The following NTNG1 variants were observed in gnomAD, a reference collection of about 807,000 sequenced individuals.
NTNG1 encodes netrin-G1.
In NTNG1, 16 loss-of-function variants were observed where a neutral mutation model predicts 54.0. That is an observed-to-expected ratio of 0.30 (90% CI 0.20 to 0.45). The LOEUF is 0.45. Ranked by LOEUF, NTNG1 falls within the 20% of genes least tolerant of loss-of-function variation. The pLI is 1.00. For synonymous variants in NTNG1, 255 were observed against 263.1 expected, an observed-to-expected ratio of 0.97 and a Z score of 0.30; for missense variants, 530 against 678.7, an observed-to-expected ratio of 0.78 and a Z score of 2.43.
intron 7 of NTNG1, among the ~76,000 whole-genome samples, chr1:107,456,828 C>CCAT (rs1383289367): frequency 2.0e-5 from 3 of 152,190 alleles, no homozygotes; most frequent in Admixed American, 6.5e-5. Flanking sequence ...CTTAGAAGGA[C>CCAT]CATTATTACC....
At chr1:107,310,609 G>A (rs1666950993) in intron 2 of NTNG1, among the ~76,000 whole-genome samples, 1 of 151,996 alleles carries the variant, frequency 6.6e-6, no homozygotes, top group Non-Finnish European at 1.5e-5. Context: ...ATGAAACATT[G>A]GCATGTTATA....
chr1:107,381,486 C>T (rs143624917), intron 3 of NTNG1, among the ~76,000 whole-genome samples: 1 of 151,884 alleles, frequency 6.6e-6, no homozygotes, highest in East Asian at 1.9e-4. Flanking sequence ...TATCATTTCT[C>T]CATTTTCCAA....
At chr1:107,261,588 A>G (rs1663330751) in intron 2 of NTNG1, among the ~76,000 whole-genome samples, 1 of 152,244 alleles carries the variant, frequency 6.6e-6, no homozygotes, top group South Asian at 2.1e-4. Context: ...TCACGCCTGT[A>G]ATCCCAGCAC....
At chr1:107,324,157 TA>T (rs1667810977) in intron 2 of NTNG1, 124 bp from the exon 3 acceptor site, 5 of 822,526 alleles carry the variant, frequency 6.1e-6, no homozygotes, top group Non-Finnish European at 7.9e-6. Context: ...TTAGGGCAAA[TA>T]AAAATGATTA....
chr1:107,181,112 G>T (rs1251236722), intron 2 of NTNG1, among the ~76,000 whole-genome samples: 2 of 152,126 alleles, frequency 1.3e-5, no homozygotes, highest in Non-Finnish European at 2.9e-5. Context: ...ACTTGCACAA[G>T]ATTAGCTGAG....
intron 7 of NTNG1, among the ~76,000 whole-genome samples, chr1:107,459,738 T>A (rs4914945): frequency 0.26 from 39,699 of 152,088 alleles, 5,828 homozygotes; most frequent in East Asian, 0.31. Flanking sequence ...ACCTTCAGAA[T>A]AGAGCACTTT....
chr1:107,179,487 A>T (rs75621268), intron 2 of NTNG1, among the ~76,000 whole-genome samples: 2,590 of 152,014 alleles, frequency 0.017, 76 homozygotes, highest in African/African-American at 0.057. Context: ...TATTTTTTTT[A>T]AAATTGACAA....
upstream of NTNG1, chr1:107,140,205 A>C (rs1166842611): frequency 6.5e-6 from 1 of 152,790 alleles, no homozygotes; most frequent in African/African-American, 2.4e-5. Context: ...TCGAGGTAGT[A>C]TAAGGTTTGC....
intron 2 of NTNG1, among the ~76,000 whole-genome samples, chr1:107,225,006 G>A (rs969668977): frequency 3.3e-5 from 5 of 152,098 alleles, no homozygotes; most frequent in Admixed American, 2.0e-4. Flanking sequence ...TAATTGTATA[G>A]TACCTAGCAT....
chr1:107,146,342 A>C (rs1230281400), intron 1 of NTNG1, among the ~76,000 whole-genome samples: 1 of 152,070 alleles, frequency 6.6e-6, no homozygotes, highest in African/African-American at 2.4e-5. Flanking sequence ...TCCTCTTATA[A>C]AAACTAGTAA....
At chr1:107,265,040 A>G (rs763496817) in intron 2 of NTNG1, among the ~76,000 whole-genome samples, 15 of 152,164 alleles carry the variant, frequency 9.9e-5, no homozygotes, top group Non-Finnish European at 1.6e-4. Context: ...ACTAACAAGT[A>G]TTTATTGAAT....
At chr1:107,318,998 G>C (rs189356186) in intron 2 of NTNG1, among the ~76,000 whole-genome samples, 1 of 152,226 alleles carries the variant, frequency 6.6e-6, no homozygotes, top group East Asian at 1.9e-4. Flanking sequence ...TATGTTTGTG[G>C]TGCTGATCTT....
intron 7 of NTNG1, among the ~76,000 whole-genome samples, chr1:107,447,160 G>T (rs1676355485): frequency 6.6e-6 from 1 of 152,002 alleles, no homozygotes; most frequent in Non-Finnish European, 1.5e-5. Flanking sequence ...ATGAAATATT[G>T]ATTTTATTTT....
Position 107,436,812 on chromosome 1 carries a change from G to A in NTNG1, c.1390+13G>A, listed in dbSNP as rs772090395. On this transcript the variant is annotated intron_variant, in intron 7 of 7. Transcript: ENST00000370068. ...TACGGCTGTCAACGTAAGTAACTCTGGGAGCTGCCCTCTGCCTGCTGCAGC... is the reference window on the plus strand; with the variant it reads ...TACGGCTGTCAACGTAAGTAACTCTAGGAGCTGCCCTCTGCCTGCTGCAGC... 3.1e-6 allele frequency: 5 copies of A among 1,612,640 alleles called. No individual in the cohort carries two copies. The Admixed American group carries it at 6.7e-5, about 22-fold the overall frequency.
Position 107,481,070 on chromosome 1 carries a change from A to C in NTNG1, c.*230A>C. 1.9e-6 allele frequency: 1 copy of C among 513,988 alleles called. No individual in the cohort carries two copies. Among genetic ancestry groups the C allele is most frequent in the Non-Finnish European group, 3.5e-6 (1 of 287,994 alleles). The allele number at this position is 513,988 out of a possible 1,614,324, so 31.8% of individuals were successfully genotyped here. A position where few individuals can be genotyped will look rare whatever the true frequency, so the allele number is the denominator to read the frequency against. On this transcript the variant is annotated 3_prime_UTR_variant, in exon 8 of 8. Transcript: ENST00000370068. ...GGAGTTGGCAGCTGTTGATATTATCACTGCAAATCACATTGCCAGCTGCAG... is the reference window on the plus strand; with the variant it reads ...GGAGTTGGCAGCTGTTGATATTATCCCTGCAAATCACATTGCCAGCTGCAG...
At chr1:107,167,891 A>G (rs961820692) in intron 2 of NTNG1, among the ~76,000 whole-genome samples, 1 of 152,058 alleles carries the variant, frequency 6.6e-6, no homozygotes. Context: ...CTTTACAGTC[A>G]TAATTGATGC....
chr1:107,199,699 C>T lies in NTNG1; in HGVS notation c.246+50860C>T, dbSNP rs569912230. Among the ~76,000 whole-genome samples the T allele has an allele frequency of 1.5e-4, 23 of 152,034 alleles. 1 individual carries two copies. In the South Asian group the frequency reaches 4.8e-3, roughly 32 times the overall value. ...AGAAAATGTTACTAAGTGACACTTA[C>T]TTATTCATACACACAGTCCTCCTCT... On this transcript the variant is annotated intron_variant, in intron 2 of 7. Transcript: ENST00000370068.
intron 2 of NTNG1, among the ~76,000 whole-genome samples, chr1:107,209,492 T>C (rs1659455601): frequency 6.6e-6 from 1 of 152,194 alleles, no homozygotes; most frequent in Admixed American, 6.5e-5. Flanking sequence ...AGAAGTCTTC[T>C]TGCATTGGCT....
At chr1:107,286,958 C>A (rs1665238197) in intron 2 of NTNG1, among the ~76,000 whole-genome samples, 1 of 152,162 alleles carries the variant, frequency 6.6e-6, no homozygotes, top group South Asian at 2.1e-4. Context: ...CTGTATCCTT[C>A]ACACATCTGT....
Sources: gnomAD v4.1 joint callset for allele counts (sites outside exome capture counted in the v4.1 genomes callset) on GRCh38, gnomAD v4.1.1 for gene constraint, MANE v1.5 for transcripts, NCBI Gene and HGNC (gene_info 2026-07-23, HGNC 2026-07-21) for gene names.